KLRC4: variants seen among roughly 807,000 people sequenced by gnomAD.
KLRC4 encodes the protein killer cell lectin like receptor C4.
In KLRC4, 6 loss-of-function variants were observed where a neutral mutation model predicts 14.3. That is an observed-to-expected ratio of 0.42 (90% CI 0.23 to 0.83). KLRC4 has a LOEUF of 0.83. Ranked by LOEUF, KLRC4 falls within the 40% of genes least tolerant of loss-of-function variation. The pLI is 0.29. For synonymous variants in KLRC4, 53 were observed against 60.5 expected (o/e 0.88, Z 0.57); for missense variants, 158 against 179.4 (o/e 0.88, Z 0.68).
chr12:10,409,257 A>T, intron 1 of KLRC4, 132 bp downstream of exon 1: 1 of 1,014,738 alleles, frequency 9.9e-7, no homozygotes, highest in Non-Finnish European at 1.5e-6. Flanking sequence ...CAGATTTCAT[A>T]TTAGAATATT....
intron 1 of KLRC4, 97 bp from the exon 2 acceptor site, chr12:10,409,107 A>G: frequency 7.6e-7 from 1 of 1,321,932 alleles, no homozygotes; most frequent in South Asian, 1.2e-5. Flanking sequence ...AAACATAATG[A>G]TAAACTCTGT....
chr12:10,408,558 A>G (rs1440690396), intron 2 of KLRC4, among the ~76,000 whole-genome samples, 176 bp from the exon 3 acceptor site: 1 of 152,068 alleles, frequency 6.6e-6, no homozygotes, highest in Non-Finnish European at 1.5e-5. Flanking sequence ...TAAAGCCATT[A>G]GCATAAAACT....
intron 3 of KLRC4, 78 bp downstream of exon 3, chr12:10,408,251 T>TCCC: frequency 1.2e-6 from 1 of 867,482 alleles, no homozygotes; most frequent in Non-Finnish European, 1.9e-6. Context: ...TCCCAAAACA[T>TCCC]TTTATTATCA....
intron 2 of KLRC4, 101 bp downstream of exon 2, chr12:10,408,811 T>C: frequency 6.9e-7 from 1 of 1,453,326 alleles, no homozygotes. Context: ...GAGATATACA[T>C]TAAACAGAGA....
chr12:10,407,855 T>C, intron 3 of KLRC4, 66 bp from the exon 4 acceptor site: 1 of 1,549,248 alleles, frequency 6.5e-7, no homozygotes, highest in South Asian at 1.3e-5. Context: ...TTTATATATT[T>C]GCAAAGCTAT....
chr12:10,408,292 C>G, intron 3 of KLRC4, 37 bp downstream of exon 3: 1 of 1,213,870 alleles, frequency 8.2e-7, no homozygotes, highest in Non-Finnish European at 1.2e-6. Context: ...AAAATATAAA[C>G]TGTACTAACA....
intron 2 of KLRC4, 141 bp from the exon 3 acceptor site, chr12:10,408,523 A>G (rs1863535912): frequency 1.8e-6 from 1 of 569,756 alleles, no homozygotes; most frequent in Admixed American, 3.7e-5. Flanking sequence ...TATAAAAATA[A>G]TGAGATCTTT....
intron 2 of KLRC4, 54 bp from the exon 3 acceptor site, chr12:10,408,436 A>T: frequency 1.2e-6 from 1 of 839,504 alleles, no homozygotes; most frequent in Non-Finnish European, 1.9e-6. Context: ...AATTATAATA[A>T]ATTCAGTTGC....
intron 3 of KLRC4, among the ~76,000 whole-genome samples, 175 bp downstream of exon 3, chr12:10,408,154 C>A (rs1296021057): frequency 6.6e-6 from 1 of 152,096 alleles, no homozygotes; most frequent in African/African-American, 2.4e-5. Context: ...TTTAACTGAG[C>A]ATTTCTACTT....
chr12:10,408,614 TTTG>T (rs1863537354), intron 2 of KLRC4, among the ~76,000 whole-genome samples: 1 of 152,252 alleles, frequency 6.6e-6, no homozygotes, highest in Admixed American at 6.5e-5. Flanking sequence ...CAAAAATTAA[TTTG>T]TTTTTCTAAA....
In KLRC4 at chr12:10,409,017, G is replaced by A; in HGVS notation, c.188-7C>T. ...TCTGGAGGTGGCAGTAAACCTGCAG[G>A]GAGAGAAAGAGGCACTGAGAGAGGG... On this transcript the variant is annotated splice_region_variant and splice_polypyrimidine_tract_variant and intron_variant, in intron 1 of 3. Transcript: ENST00000309384. 1.9e-6 allele frequency: 3 copies of A among 1,613,584 alleles called. No homozygotes were observed. Among genetic ancestry groups the A allele is most frequent in the African/African-American group, 2.7e-5 (2 of 75,036 alleles).
Position 10,409,576 on chromosome 12 carries a change from C to G in KLRC4, c.-1G>C. The G allele has an allele frequency of 2.5e-6, 4 of 1,611,584 alleles. No homozygotes were observed. The highest frequency in any genetic ancestry group is 1.1e-5 in the South Asian group (1 of 90,720). On this transcript the variant is annotated 5_prime_UTR_variant, in exon 1 of 4. Transcript: ENST00000309384. ...AGTAGGTTCCTCTTTGTTTATTCATCTCTGCAGCTGTGTGATGTCAGGGAC... is the reference window on the plus strand; with the variant it reads ...AGTAGGTTCCTCTTTGTTTATTCATGTCTGCAGCTGTGTGATGTCAGGGAC...
In KLRC4 at chr12:10,408,773, C is replaced by T. The variant is rs1450624919; in HGVS notation, c.286+139G>A. On this transcript the variant is annotated intron_variant, in intron 2 of 3. Coordinates refer to ENST00000309384, the MANE Select transcript of KLRC4 (RefSeq NM_013431.2). ...CTGTTATTTATAAATTTGAAAAGTT[C>T]AGAAGCAGCATATTATCTTGGGGTT... 5 of 1,054,192 alleles carry T rather than the reference C, an allele frequency of 4.7e-6. No homozygotes were observed. In the African/African-American group the frequency reaches 8.0e-5, roughly 17 times the overall value. 65.3% of individuals were successfully genotyped at this position (1,054,192 alleles called of 1,614,324 possible).
chr12:10,409,420 A>G lies in KLRC4; in HGVS notation c.156T>C (p.His52=), dbSNP rs1425693635. Reference sequence around the variant, plus strand: ...AGTGATATGTCTTGTCATTCCCTTGATGATCCGAAGAAGCATTTTGAAGGT... The same window carrying G: ...AGTGATATGTCTTGTCATTCCCTTGGTGATCCGAAGAAGCATTTTGAAGGT... ...ELNLQNASSD[H]QGNDKTYHCK... The change falls in exon 1 of 4, where the codon CAT becomes CAC. Residue 52 remains histidine (H), a synonymous_variant. Coordinates refer to ENST00000309384, the MANE Select transcript of KLRC4 (RefSeq NM_013431.2). The G allele has an allele frequency of 6.2e-7, 1 of 1,612,272 alleles. No homozygotes were observed. The highest frequency in any genetic ancestry group is 1.1e-5 in the South Asian group (1 of 91,044).
At position 10,408,970 on chromosome 12, in the gene KLRC4, T is replaced by C; in HGVS notation, c.228A>G (p.Leu76=). 2 of 1,613,782 alleles carry C rather than the reference T, an allele frequency of 1.2e-6. No individual in the cohort carries two copies. Among genetic ancestry groups the C allele is most frequent in the Non-Finnish European group, 1.7e-6 (2 of 1,179,746 alleles). ...PPPEKLTAEV[L]GIICIVLMAT... Reference sequence around the variant, plus strand: ...CCATCAGGACAATGCAAATGATTCCTAGGACCTCAGCAGTGAGCTTCTCTG... The same window carrying C: ...CCATCAGGACAATGCAAATGATTCCCAGGACCTCAGCAGTGAGCTTCTCTG... The change falls in exon 2 of 4, where the codon CTA becomes CTG. Residue 76 remains leucine, a synonymous_variant. Transcript: ENST00000309384.
intron 2 of KLRC4, 103 bp downstream of exon 2, chr12:10,408,809 C>T: frequency 7.0e-7 from 1 of 1,418,690 alleles, no homozygotes; most frequent in Non-Finnish European, 9.8e-7. Context: ...CAGAGATATA[C>T]ATTAAACAGA....
chr12:10,407,699 C>CT lies in KLRC4; in HGVS notation c.430dup (p.Arg144LysfsTer58). ...TCTTCGAAGCACAGGCCAGCAAACT[C>CT]TTTCTTCCCAAGTTCTTCTTTCCTT... is the stretch of plus-strand genomic sequence containing the variant. On this transcript the variant is annotated frameshift_variant, in exon 4 of 4. Coordinates refer to ENST00000309384, the MANE Select transcript of KLRC4 (RefSeq NM_013431.2). LOFTEE classifies it high-confidence loss of function. The CT allele has an allele frequency of 6.2e-7, 1 of 1,613,850 alleles. No individual in the cohort carries two copies. The highest frequency in any genetic ancestry group is 1.7e-4 in the Middle Eastern group (1 of 6,056).
chr12:10,408,900 G>A lies in KLRC4; in HGVS notation c.286+12C>T. The A allele has an allele frequency of 6.2e-7, 1 of 1,613,404 alleles. No individual in the cohort carries two copies. The highest frequency in any genetic ancestry group is 8.5e-7 in the Non-Finnish European group (1 of 1,179,550). Reference sequence around the variant, plus strand: ...GAAAAGTTCCCTTATAATCTTTCAAGAATATGCTTACAAGGAATAAGAACT... The same window carrying A: ...GAAAAGTTCCCTTATAATCTTTCAAAAATATGCTTACAAGGAATAAGAACT... On this transcript the variant is annotated intron_variant, in intron 2 of 3. Coordinates refer to ENST00000309384, the MANE Select transcript of KLRC4 (RefSeq NM_013431.2).
At chr12:10,408,668 G>GAAT (rs1275356470) in intron 2 of KLRC4, among the ~76,000 whole-genome samples, 10 of 151,858 alleles carry the variant, frequency 6.6e-5, no homozygotes, top group African/African-American at 1.9e-4. Context: ...CATGAAATCA[G>GAAT]AATACATCTC....
Sources: allele counts gnomAD v4.1 joint callset (sites outside exome capture counted in the v4.1 genomes callset), GRCh38; gene constraint gnomAD v4.1.1; transcripts MANE v1.5; gene names NCBI Gene and HGNC (gene_info 2026-07-23, HGNC 2026-07-21).